The following ASXL2 variants were observed in gnomAD, a reference collection of about 807,000 sequenced individuals.
ASXL2 encodes the protein putative Polycomb group protein ASXL2.
A neutral mutation model predicts 122.0 loss-of-function variants in ASXL2; 23 were observed. The ratio of observed to expected loss-of-function variants is 0.19; its 90% confidence interval spans 0.14 to 0.27. ASXL2 has a LOEUF of 0.27. Ranked by LOEUF, ASXL2 falls within the 10% of genes least tolerant of loss-of-function variation. The pLI is 1.00. For synonymous variants in ASXL2, 650 were observed against 637.0 expected (o/e 1.02, Z -0.31); for missense variants, 1,518 against 1,713.8 (o/e 0.89, Z 2.02).
In ASXL2 at chr2:25,878,223, G is replaced by A. The variant is rs764921826; in HGVS notation, c.-1C>T. 1 of 1,613,780 alleles carries A rather than the reference G, an allele frequency of 6.2e-7. No homozygotes were observed. The highest frequency in any genetic ancestry group is 1.7e-5 in the Admixed American group (1 of 60,024). On this transcript the variant is annotated 5_prime_UTR_variant, in exon 1 of 13. Coordinates refer to ENST00000435504, the MANE Select transcript of ASXL2 (RefSeq NM_018263.6). ...TCTTCCTACGTCCCTTTTCCCTCAT[G>A]TCGGGTCTTGAACTGACTGGGAGGC...
chr2:25,804,207 A>G (rs1486728393), intron 4 of ASXL2, among the ~76,000 whole-genome samples: 1 of 152,250 alleles, frequency 6.6e-6, no homozygotes, highest in Admixed American at 6.5e-5. Context: ...CATTGGGCAC[A>G]GTGATGACTG....
intron 8 of ASXL2, among the ~76,000 whole-genome samples, chr2:25,762,665 G>GAAAAAAA (rs60065368): frequency 7.3e-4 from 25 of 34,238 alleles, no homozygotes; most frequent in South Asian, 1.5e-3. Flanking sequence ...ACTCTTTCTC[G>GAAAAAAA]AAAAAAAAAA....
chr2:25,847,092 T>C (rs1382174336), intron 1 of ASXL2, among the ~76,000 whole-genome samples: 2 of 152,212 alleles, frequency 1.3e-5, no homozygotes, highest in Admixed American at 6.5e-5. Context: ...GAAACAAAAA[T>C]ACAATAACCA....
rs144762402 is a variant in ASXL2, at chr2:25,739,970, G to A, written c.*2059C>T. ...AACAGGTCTCTTTAAACCCTTCCTG[G>A]ATTGCCCAAGGTACTGAATATTTGG... On this transcript the variant is annotated 3_prime_UTR_variant, in exon 13 of 13. Coordinates refer to ENST00000435504, the MANE Select transcript of ASXL2 (RefSeq NM_018263.6). The A allele has an allele frequency of 3.5e-3, 770 of 219,864 alleles. 3 individuals carry two copies. Among genetic ancestry groups the A allele is most frequent in the Non-Finnish European group, 5.7e-3 (625 of 109,518 alleles). The allele number at this position is 219,864 out of a possible 1,614,324, so 13.6% of individuals were successfully genotyped here.
chr2:25,858,493 G>C (rs191795107), intron 1 of ASXL2, among the ~76,000 whole-genome samples: 4 of 152,060 alleles, frequency 2.6e-5, no homozygotes, highest in Admixed American at 6.6e-5. Context: ...GGGAGGCTGA[G>C]GTGGGCGGAT....
At chr2:25,873,560 AAAGTGACAAAAGTTTT>A (rs948674353) in intron 1 of ASXL2, among the ~76,000 whole-genome samples, 1 of 152,142 alleles carries the variant, frequency 6.6e-6, no homozygotes, top group African/African-American at 2.4e-5. Flanking sequence ...AGCAGTGACA[AAAGTGACAAAAGTTTT>A]AAGTGACAAA....
Position 25,745,638 on chromosome 2 carries a change from C to CTT in ASXL2, c.1861-1164_1861-1163dup. Among the ~76,000 whole-genome samples the CTT allele has an allele frequency of 2.2e-5, 3 of 136,690 alleles. No homozygotes were observed. The East Asian group carries it at 6.0e-4, about 27-fold the overall frequency. 89.7% of individuals were successfully genotyped at this position (136,690 alleles called of 152,430 possible). ...TATCAGGTTTGAAACCATTGATTTC[C>CTT]TTCTTTTTTTTTTTTTTTTTTTTTT... On this transcript the variant is annotated intron_variant, in intron 12 of 12. Transcript: ENST00000435504.
At chr2:25,805,280 C>A (rs892160285) in intron 4 of ASXL2, among the ~76,000 whole-genome samples, 26 of 152,166 alleles carry the variant, frequency 1.7e-4, no homozygotes, top group Non-Finnish European at 3.8e-4. Context: ...TGTAAAGCAT[C>A]TAGGCAGAAT....
intron 11 of ASXL2, among the ~76,000 whole-genome samples, chr2:25,750,748 G>C (rs2088030404): frequency 6.6e-6 from 1 of 152,198 alleles, no homozygotes; most frequent in African/African-American, 2.4e-5. Context: ...AACACATAAT[G>C]AAAGTTCAGT....
intron 5 of ASXL2, among the ~76,000 whole-genome samples, chr2:25,789,308 A>T (rs2088794745): frequency 6.6e-6 from 1 of 150,714 alleles, no homozygotes; most frequent in South Asian, 2.1e-4. Context: ...AAGGTGAATG[A>T]TTCTTACACA....
intron 1 of ASXL2, chr2:25,856,856 C>A: frequency 2.4e-6 from 2 of 826,666 alleles, no homozygotes; most frequent in Non-Finnish European, 4.1e-6. Flanking sequence ...GGAACGAGGT[C>A]CAAGTGGCCC....
At position 25,739,568 on chromosome 2, in the gene ASXL2, T is replaced by C; in HGVS notation, c.*2461A>G. Reference sequence around the variant, plus strand: ...TATCTGTTTTAGGAGTATTCCTAAATGCAAATATTTAGCTGAGTATTATTT... The same window carrying C: ...TATCTGTTTTAGGAGTATTCCTAAACGCAAATATTTAGCTGAGTATTATTT... On this transcript the variant is annotated 3_prime_UTR_variant, in exon 13 of 13. Transcript: ENST00000435504. 5.2e-6 allele frequency: 1 copy of C among 193,638 alleles called. No homozygotes were observed. The highest frequency in any genetic ancestry group is 1.1e-5 in the Non-Finnish European group (1 of 92,782). 12.0% of individuals were successfully genotyped at this position (193,638 alleles called of 1,614,324 possible).
chr2:25,875,638 T>C (rs1467576864), intron 1 of ASXL2, among the ~76,000 whole-genome samples: 1 of 152,198 alleles, frequency 6.6e-6, no homozygotes, highest in Non-Finnish European at 1.5e-5. Flanking sequence ...ATATATCTAT[T>C]GGTATATTAT....
At chr2:25,856,677 C>T in intron 1 of ASXL2, 1 of 1,272,360 alleles carries the variant, frequency 7.9e-7, no homozygotes, top group Admixed American at 1.7e-5. Context: ...CAACCCTCAG[C>T]CGTTAGAGTG....
intron 1 of ASXL2, 111 bp from the exon 2 acceptor site, chr2:25,845,674 C>A: frequency 2.5e-6 from 1 of 393,258 alleles, no homozygotes; most frequent in South Asian, 9.6e-5. Flanking sequence ...CCCAATTATT[C>A]ACTACTAATA....
intron 5 of ASXL2, among the ~76,000 whole-genome samples, chr2:25,776,872 G>T (rs1280797639): frequency 6.6e-6 from 1 of 152,148 alleles, no homozygotes; most frequent in South Asian, 2.1e-4. Context: ...GCCCAGAAAA[G>T]TGACAATAAA....
chr2:25,810,393 C>G (rs2089150861), intron 3 of ASXL2: 1 of 677,638 alleles, frequency 1.5e-6, no homozygotes, highest in East Asian at 2.8e-5. Flanking sequence ...TCATATCTCT[C>G]TCACTCTGAT....
rs371968648 is a variant in ASXL2, at chr2:25,799,484, T to C, written c.304A>G (p.Ser102Gly). Residue 102 changes from serine (S) to glycine (G), a missense_variant, in exon 5 of 13, where the codon AGT becomes GGT. This residue lies in a region of ASXL2 where 198 missense variants were observed against 209.0 expected (regional missense o/e 0.95). Coordinates refer to ENST00000435504, the MANE Select transcript of ASXL2 (RefSeq NM_018263.6). ...KELSEGSEES[S>G]DGQSDSQSSE... Reference sequence around the variant, plus strand: ...CTCTGGGAATCTGACTGACCATCACTGCTTTCTTCTGAACCTTCTGACAGC... The same window carrying C: ...CTCTGGGAATCTGACTGACCATCACCGCTTTCTTCTGAACCTTCTGACAGC... 1.2e-6 allele frequency: 2 copies of C among 1,614,038 alleles called. No homozygotes were observed. The highest frequency in any genetic ancestry group is 2.2e-5 in the East Asian group (1 of 44,890).
rs191101889 is a variant in ASXL2, at chr2:25,777,198, C to T, written c.404-5658G>A. On this transcript the variant is annotated intron_variant, in intron 5 of 12. Transcript: ENST00000435504. Reference sequence around the variant, plus strand: ...TGACCTCCGAGGCTCAAGCAATCTCCTACCTTCGCCTCCTGAGTAGCTGGG... The same window carrying T: ...TGACCTCCGAGGCTCAAGCAATCTCTTACCTTCGCCTCCTGAGTAGCTGGG... Among the ~76,000 whole-genome samples the T allele has an allele frequency of 2.0e-3, 309 of 152,260 alleles. 1 individual carries two copies. The highest frequency in any genetic ancestry group is 4.2e-3 in the Admixed American group (65 of 15,298).
Sources: allele counts gnomAD v4.1 joint callset (sites outside exome capture counted in the v4.1 genomes callset), GRCh38; gene constraint gnomAD v4.1.1; regional missense constraint gnomAD v4.1.1; transcripts MANE v1.5; gene names NCBI Gene and HGNC (gene_info 2026-07-23, HGNC 2026-07-21).